FCAR: variants seen among roughly 807,000 people sequenced by gnomAD.
FCAR encodes immunoglobulin alpha Fc receptor.
A neutral mutation model predicts 27.1 loss-of-function variants in FCAR; 21 were observed. That is an observed-to-expected ratio of 0.77 (90% CI 0.55 to 1.11). The LOEUF (loss-of-function observed/expected upper bound fraction) is 1.11, where lower values mean the gene tolerates loss of function less well. Among genes scored for constraint, FCAR ranks in the 50% most tolerant of loss-of-function variants. FCAR has a pLI of 0.00. For synonymous variants in FCAR, 134 were observed against 135.8 expected (o/e 0.99, Z 0.09); for missense variants, 404 against 358.4 (o/e 1.13, Z -1.03).
At chr19:54,884,785 T>G (rs1036881610) in intron 2 of FCAR, among the ~76,000 whole-genome samples, 5 of 144,480 alleles carry the variant, frequency 3.5e-5, no homozygotes, top group African/African-American at 1.0e-4. Context: ...ACAAATTATT[T>G]AAATTTTTCT....
chr19:54,874,436 G>T (rs746120461), intron 1 of FCAR, 113 bp downstream of exon 1: 1 of 1,029,874 alleles, frequency 9.7e-7, no homozygotes, highest in Non-Finnish European at 1.5e-6. Context: ...AGGAGATTCT[G>T]ATCTCCTTAG....
chr19:54,880,772 C>G (rs1257401065), intron 2 of FCAR: 9 of 152,146 alleles, frequency 5.9e-5, no homozygotes, highest in Non-Finnish European at 1.3e-4. Flanking sequence ...TGGATGGTTT[C>G]AGAGGGCTGG....
intron 2 of FCAR, among the ~76,000 whole-genome samples, chr19:54,882,190 G>T (rs1350413373): frequency 6.6e-6 from 1 of 152,198 alleles, no homozygotes; most frequent in Non-Finnish European, 1.5e-5. Context: ...CTGTCTGATG[G>T]CTGTGGCATA....
chr19:54,882,596 G>T (rs928806814), intron 2 of FCAR, among the ~76,000 whole-genome samples: 2 of 151,702 alleles, frequency 1.3e-5, no homozygotes, highest in Non-Finnish European at 2.9e-5. Flanking sequence ...GTGCCACCAC[G>T]CCCGGCTAAT....
chr19:54,888,176 C>T lies in FCAR; in HGVS notation c.531C>T (p.Asn177=). ...PQHQSGEHPA[N]FSLGPVDLNV... ...ACCAAAGTGGGGAACACCCGGCCAA[C>T]TTCTCTTTGGGTCCTGTGGACCTCA... is the stretch of plus-strand genomic sequence containing the variant. The change falls in exon 4 of 5, where the codon AAC becomes AAT. Residue 177 remains asparagine, a synonymous_variant. Coordinates refer to ENST00000355524, the MANE Select transcript of FCAR (RefSeq NM_002000.4). 3.1e-6 allele frequency: 5 copies of T among 1,614,196 alleles called. No individual in the cohort carries two copies. Among genetic ancestry groups the T allele is most frequent in the Non-Finnish European group, 4.2e-6 (5 of 1,180,032 alleles).
chr19:54,881,020 C>A (rs1417775311), intron 2 of FCAR: 1 of 152,278 alleles, frequency 6.6e-6, no homozygotes, highest in Non-Finnish European at 1.5e-5. Flanking sequence ...CACTCCCAGG[C>A]TGCACATCAC....
At chr19:54,886,922 G>C (rs1410142671) in intron 3 of FCAR, among the ~76,000 whole-genome samples, 3 of 152,242 alleles carry the variant, frequency 2.0e-5, no homozygotes, top group African/African-American at 7.2e-5. Context: ...GGTTTAAACT[G>C]TCCATGGGAA....
rs1455598871 is a variant in FCAR, at chr19:54,889,952, A to T, written c.*89A>T. The T allele has an allele frequency of 1.5e-5, 15 of 980,650 alleles. No individual in the cohort carries two copies. Among genetic ancestry groups the T allele is most frequent in the Non-Finnish European group, 2.0e-5 (13 of 653,926 alleles). 60.7% of individuals were successfully genotyped at this position (980,650 alleles called of 1,614,324 possible). ...CACAAGAGAGAAAAGCTCACTAAGA[A>T]GCTTGAATCTACTTTTTTTTTTTTT... On this transcript the variant is annotated 3_prime_UTR_variant, in exon 5 of 5. Transcript: ENST00000355524.
chr19:54,888,096 A>G lies in FCAR; in HGVS notation c.451A>G (p.Ile151Val), dbSNP rs770433018. The G allele has an allele frequency of 3.7e-6, 6 of 1,614,132 alleles. No homozygotes were observed. The South Asian group carries it at 4.4e-5, about 12-fold the overall frequency. The change falls in exon 4 of 5, where the codon ATC becomes GTC. Residue 151 changes from isoleucine (I) to valine (V), a missense_variant. Transcript: ENST00000355524. ...TTCCCTCACGTGCAGCTCAGCACAC[A>G]TCCCATTTGATAGATTTTCACTGGC... Reference protein sequence around the residue: ...NISLTCSSAHIPFDRFSLAKE... With the variant: ...NISLTCSSAHVPFDRFSLAKE...
At chr19:54,889,024 C>T (rs887056456) in intron 4 of FCAR, 26 of 322,066 alleles carry the variant, frequency 8.1e-5, no homozygotes, top group Non-Finnish European at 1.1e-4. Context: ...GCCAAGATCA[C>T]GCCATTGCAC....
At chr19:54,881,745 G>A (rs1282282968) in intron 2 of FCAR, among the ~76,000 whole-genome samples, 3 of 152,098 alleles carry the variant, frequency 2.0e-5, no homozygotes, top group African/African-American at 4.8e-5. Flanking sequence ...GGTGGCGGGC[G>A]CCTGTAGTCC....
chr19:54,888,999 C>CGG (rs1489031578), intron 4 of FCAR: 1 of 648,216 alleles, frequency 1.5e-6, no homozygotes, highest in Non-Finnish European at 1.9e-6. Context: ...ACCCAGGAGG[C>CGG]AGCTGTTGCA....
chr19:54,888,976 G>A lies in FCAR; in HGVS notation c.650-673G>A, dbSNP rs758313802. 46 of 884,926 alleles carry A rather than the reference G, an allele frequency of 5.2e-5. 1 individual carries two copies. Among genetic ancestry groups the A allele is most frequent in the Admixed American group, 4.3e-4 (7 of 16,130 alleles). The allele number at this position is 884,926 out of a possible 1,614,324, so 54.8% of individuals were successfully genotyped here. A position where few individuals can be genotyped will look rare whatever the true frequency, so the allele number is the denominator to read the frequency against. ...CCAGCTACTCAGGAGGCTGAGGCAG[G>A]AGAATCACTTGAACCCAGGAGGCAG... On this transcript the variant is annotated intron_variant, in intron 4 of 4. Coordinates refer to ENST00000355524, the MANE Select transcript of FCAR (RefSeq NM_002000.4).
At chr19:54,880,317 G>T (rs1156646222) in intron 2 of FCAR, among the ~76,000 whole-genome samples, 2 of 152,154 alleles carry the variant, frequency 1.3e-5, no homozygotes, top group African/African-American at 4.8e-5. Flanking sequence ...CATGCTCTGA[G>T]ATTCTTTCCT....
chr19:54,882,737 C>T (rs937827616), intron 2 of FCAR, among the ~76,000 whole-genome samples: 1 of 152,080 alleles, frequency 6.6e-6, no homozygotes, highest in East Asian at 1.9e-4. Flanking sequence ...CCGCGCCCGG[C>T]CTTGGTGTTG....
chr19:54,888,526 A>T (rs995384758), intron 4 of FCAR: 32 of 1,367,576 alleles, frequency 2.3e-5, no homozygotes, highest in Non-Finnish European at 2.9e-5. Context: ...AGAAGGGCTA[A>T]CTCAGTTTGT....
chr19:54,877,916 A>AT (rs757104692), intron 2 of FCAR, among the ~76,000 whole-genome samples: 7,838 of 143,398 alleles, frequency 0.055, 353 homozygotes, highest in African/African-American at 0.11. Flanking sequence ...TTTGCTAAGG[A>AT]TTGTTTTTTT....
chr19:54,875,270 G>A (rs2066029062), intron 1 of FCAR, 60 bp from the exon 2 acceptor site: 1 of 1,431,020 alleles, frequency 7.0e-7, no homozygotes, highest in Non-Finnish European at 9.9e-7. Flanking sequence ...ATTACAGAGG[G>A]TGATTTGTCG....
At chr19:54,876,772 T>A (rs1468270567) in intron 2 of FCAR, among the ~76,000 whole-genome samples, 1 of 152,012 alleles carries the variant, frequency 6.6e-6, no homozygotes, top group Non-Finnish European at 1.5e-5. Context: ...CACAAAAAAA[T>A]TAGCCAGGCG....
Sources: gnomAD v4.1 joint callset for allele counts (sites outside exome capture counted in the v4.1 genomes callset) on GRCh38, gnomAD v4.1.1 for gene constraint, MANE v1.5 for transcripts, NCBI Gene and HGNC (gene_info 2026-07-23, HGNC 2026-07-21) for gene names.